CHST11: variants seen among roughly 807,000 people sequenced by gnomAD.
CHST11 encodes the protein C4S-1.
In CHST11, 9 loss-of-function variants were observed where a neutral mutation model predicts 30.4. That is an observed-to-expected ratio of 0.30 (90% CI 0.18 to 0.52). CHST11 has a LOEUF of 0.52. CHST11 is among the 20% of genes least tolerant of loss of function. CHST11 has a pLI of 0.97. For synonymous variants in CHST11, 152 were observed against 187.8 expected, an observed-to-expected ratio of 0.81 and a Z score of 1.56; for missense variants, 348 against 460.6, an observed-to-expected ratio of 0.76 and a Z score of 2.24.
intron 2 of CHST11, among the ~76,000 whole-genome samples, chr12:104,605,395 C>T (rs2136049507): frequency 1.3e-5 from 2 of 152,208 alleles, no homozygotes; most frequent in East Asian, 3.9e-4. Flanking sequence ...CTGGCTAACA[C>T]GGCGAAACCC....
At chr12:104,580,931 G>A (rs1303889950) in intron 1 of CHST11, among the ~76,000 whole-genome samples, 2 of 152,126 alleles carry the variant, frequency 1.3e-5, no homozygotes, top group Non-Finnish European at 2.9e-5. Context: ...AGAACTTTCA[G>A]TTCCAATACA....
chr12:104,662,086 T>TA (rs1401987449), intron 2 of CHST11, among the ~76,000 whole-genome samples: 1 of 152,136 alleles, frequency 6.6e-6, no homozygotes, highest in Non-Finnish European at 1.5e-5. Flanking sequence ...GCCACAAGAT[T>TA]AAAGTCAAGG....
At chr12:104,750,452 T>TTTTTTTTTTTG (rs1566064718) in intron 2 of CHST11, among the ~76,000 whole-genome samples, 1 of 113,550 alleles carries the variant, frequency 8.8e-6, no homozygotes, top group African/African-American at 3.6e-5. Flanking sequence ...TTTTTTTTTT[T>TTTTTTTTTTTG]TTTTGTTGAG....
At chr12:104,637,022 G>A (rs2039328900) in intron 2 of CHST11, among the ~76,000 whole-genome samples, 2 of 151,916 alleles carry the variant, frequency 1.3e-5, no homozygotes, top group African/African-American at 4.8e-5. Context: ...CCCTTGGCTG[G>A]CTAGGCACAG....
chr12:104,596,203 T>C (rs922725140), intron 1 of CHST11, among the ~76,000 whole-genome samples: 2 of 152,224 alleles, frequency 1.3e-5, no homozygotes, highest in South Asian at 2.1e-4. Context: ...TCTTGACAGA[T>C]GGGCTGGGCC....
intron 2 of CHST11, among the ~76,000 whole-genome samples, chr12:104,666,035 G>C (rs1466900899): frequency 6.6e-6 from 1 of 151,862 alleles, no homozygotes; most frequent in Non-Finnish European, 1.5e-5. Context: ...GGCCAGGATG[G>C]TCTTGATCTC....
intron 2 of CHST11, among the ~76,000 whole-genome samples, chr12:104,742,731 C>G (rs1356925787): frequency 6.6e-6 from 1 of 152,194 alleles, no homozygotes; most frequent in Non-Finnish European, 1.5e-5. Flanking sequence ...CCGGGGGTAC[C>G]ACACAGCCTC....
intron 1 of CHST11, among the ~76,000 whole-genome samples, chr12:104,589,999 ACT>A (rs1280924041): frequency 6.7e-6 from 1 of 149,168 alleles, no homozygotes; most frequent in East Asian, 2.0e-4. Context: ...ACAAAGCGAG[ACT>A]CTGTCTCAAA....
At chr12:104,486,453 T>C (rs968562041) in intron 1 of CHST11, among the ~76,000 whole-genome samples, 2 of 152,178 alleles carry the variant, frequency 1.3e-5, no homozygotes, top group Non-Finnish European at 2.9e-5. Context: ...TCTGACTTCT[T>C]GCCTGTTGGT....
Position 104,671,044 on chromosome 12 carries a change from T to G in CHST11, c.204+69053T>G, listed in dbSNP as rs377549738. 5.3e-5 allele frequency among the ~76,000 whole-genome samples: 8 copies of G among 152,376 alleles called. No homozygotes were observed. In the East Asian group the frequency reaches 1.3e-3, roughly 26 times the overall value. On this transcript the variant is annotated intron_variant, in intron 2 of 2. Transcript: ENST00000303694. The stretch of plus-strand genomic sequence containing the variant: ...GGGCAGGTGAGAAGCCCTAAGATCA[T>G]GTTCAGAGCTGAAAACATAATCACC...
intron 1 of CHST11, among the ~76,000 whole-genome samples, chr12:104,569,457 T>C (rs958610760): frequency 1.3e-5 from 2 of 152,218 alleles, no homozygotes; most frequent in African/African-American, 4.8e-5. Flanking sequence ...TTTTCTGTCC[T>C]GAGCAGTTAC....
chr12:104,500,693 T>A (rs1299353205), intron 1 of CHST11, among the ~76,000 whole-genome samples: 1 of 151,728 alleles, frequency 6.6e-6, no homozygotes, highest in Non-Finnish European at 1.5e-5. Context: ...AGAAGAGGAG[T>A]TGCAAATCCC....
At chr12:104,558,547 C>CT (rs2038481727) in intron 1 of CHST11, among the ~76,000 whole-genome samples, 1 of 120,496 alleles carries the variant, frequency 8.3e-6, no homozygotes, top group East Asian at 2.9e-4. Flanking sequence ...TTCCCCCCCC[C>CT]GCCCCCCCGA....
intron 1 of CHST11, among the ~76,000 whole-genome samples, chr12:104,501,959 G>A (rs2037857172): frequency 6.6e-6 from 1 of 152,194 alleles, no homozygotes; most frequent in South Asian, 2.1e-4. Flanking sequence ...TCTTTCCCTA[G>A]CAGCACATGA....
At chr12:104,744,074 A>G (rs1191853808) in intron 2 of CHST11, among the ~76,000 whole-genome samples, 1 of 152,174 alleles carries the variant, frequency 6.6e-6, no homozygotes, top group African/African-American at 2.4e-5. Flanking sequence ...ACATGTGTGC[A>G]TGTGTCTTTA....
At chr12:104,714,983 C>T (rs2040119114) in intron 2 of CHST11, among the ~76,000 whole-genome samples, 1 of 152,202 alleles carries the variant, frequency 6.6e-6, no homozygotes, top group Non-Finnish European at 1.5e-5. Context: ...GGGAAGAGCC[C>T]ACTCGTGACC....
intron 2 of CHST11, among the ~76,000 whole-genome samples, chr12:104,641,645 A>G (rs1164856): frequency 1.3e-5 from 2 of 151,914 alleles, no homozygotes; most frequent in East Asian, 1.9e-4. Flanking sequence ...TGGAAGCTCT[A>G]TATACTTTCC....
Position 104,568,094 on chromosome 12 carries a change from AGGACTC to A in CHST11, c.119-33810_119-33805del, listed in dbSNP as rs201435532. 6.9e-3 allele frequency among the ~76,000 whole-genome samples: 1,048 copies of A among 152,270 alleles called. 18 individuals are homozygous for A. Among genetic ancestry groups the A allele is most frequent in the African/African-American group, 0.024 (998 of 41,552 alleles). On this transcript the variant is annotated intron_variant, in intron 1 of 2. Coordinates refer to ENST00000303694, the MANE Select transcript of CHST11 (RefSeq NM_018413.6). Reference sequence around the variant, plus strand: ...TCCCAGGGCAGGTGAGCCTGGAGGAAGGACTCGTATGTGTGTTGTTTTTCTATGCCA... The same window carrying A: ...TCCCAGGGCAGGTGAGCCTGGAGGAAGTATGTGTGTTGTTTTTCTATGCCA...
chr12:104,621,823 T>C (rs2039161904), intron 2 of CHST11, among the ~76,000 whole-genome samples: 1 of 152,224 alleles, frequency 6.6e-6, no homozygotes, highest in Non-Finnish European at 1.5e-5. Flanking sequence ...AAAACTAACA[T>C]GCACACACCC....
Sources: allele counts gnomAD v4.1 joint callset (sites outside exome capture counted in the v4.1 genomes callset), GRCh38; gene constraint gnomAD v4.1.1; transcripts MANE v1.5; gene names NCBI Gene and HGNC (gene_info 2026-07-23, HGNC 2026-07-21).